The following LCN6 variants were observed in gnomAD, a reference collection of about 807,000 sequenced individuals.
LCN6 encodes the protein epididymal-specific lipocalin-6.
LCN6 carries 20 observed loss-of-function variants against 21.4 expected under a neutral mutation model. That is an observed-to-expected ratio of 0.93 (90% CI 0.66 to 1.36). LCN6 has a LOEUF of 1.36. Among genes scored for constraint, LCN6 ranks in the 40% most tolerant of loss-of-function variants. LCN6 has a pLI of 0.00. For synonymous variants in LCN6, 96 were observed against 89.0 expected (o/e 1.08, Z -0.44); for missense variants, 217 against 206.6 (o/e 1.05, Z -0.31).
At chr9:136,745,389 C>T in intron 3 of LCN6, 109 bp from the exon 4 acceptor site, 1 of 760,666 alleles carries the variant, frequency 1.3e-6, no homozygotes, top group Admixed American at 2.1e-5. Flanking sequence ...AAGTGAGAGC[C>T]CCCCTCCCCA....
Position 136,744,613 on chromosome 9 carries a change from C to G in LCN6, c.*22+27G>C, listed in dbSNP as rs1847007979. 6.8e-7 allele frequency: 1 copy of G among 1,476,076 alleles called. No homozygotes were observed. The highest frequency in any genetic ancestry group is 1.4e-5 in the African/African-American group (1 of 72,506). 91.4% of individuals were successfully genotyped at this position (1,476,076 alleles called of 1,614,324 possible). ...GCTCCAGAACTTGCCCCAAGCCTCC[C>G]CCGAGGCTGCTCCGGTGGACACTCA... On this transcript the variant is annotated intron_variant, in intron 5 of 6. Transcript: ENST00000341206. The surrounding 1 kb of genome is among the most constrained non-coding windows in gnomAD (Gnocchi z 4.2).
chr9:136,745,640 G>A (rs1444902755), intron 3 of LCN6: 1 of 615,010 alleles, frequency 1.6e-6, no homozygotes, highest in Non-Finnish European at 2.9e-6. Context: ...GGACCTCACT[G>A]GTGTCTGAGC....
rs1338183268 is a variant in LCN6, at chr9:136,748,479, C to T, written c.5G>A (p.Gly2Asp). The T allele has an allele frequency of 1.2e-6, 2 of 1,612,674 alleles. No homozygotes were observed. Among genetic ancestry groups the T allele is most frequent in the East Asian group, 2.2e-5 (1 of 44,846 alleles). MGGLLLAAFLAL... is the reference protein window; with the variant it reads MDGLLLAAFLAL... ...CAGAAAAGCAGCCAGCAGCAGGCCGCCCATCCTCCCAGGTCTACACTGCGC... is the reference window on the plus strand; with the variant it reads ...CAGAAAAGCAGCCAGCAGCAGGCCGTCCATCCTCCCAGGTCTACACTGCGC... The change falls in exon 1 of 7, where the codon GGC becomes GAC. Residue 2 changes from glycine to aspartate, a missense_variant. Physicochemically the swap from Gly to Asp is moderately conservative, Grantham distance 94. Transcript: ENST00000341206.
chr9:136,745,234 G>A lies in LCN6; in HGVS notation c.348C>T (p.Asp116=), dbSNP rs914451265. 7 of 1,613,642 alleles carry A rather than the reference G, an allele frequency of 4.3e-6. No homozygotes were observed. Among genetic ancestry groups the A allele is most frequent in the Non-Finnish European group, 4.2e-6 (5 of 1,179,950 alleles). ...ELWVLATNFR[D]YAIIFTQLEF... is the part of the protein sequence containing the mutation. Reference sequence around the variant, plus strand: ...CCAGCTGAGTGAAGATGATGGCATAGTCTCTGAAGTTGGTGGCCAGCACCC... The same window carrying A: ...CCAGCTGAGTGAAGATGATGGCATAATCTCTGAAGTTGGTGGCCAGCACCC... The change falls in exon 4 of 7, where the codon GAC becomes GAT. Residue 116 remains aspartate, a synonymous_variant. Transcript: ENST00000341206.
intron 3 of LCN6, 82 bp from the exon 4 acceptor site, chr9:136,745,362 G>A: frequency 2.1e-6 from 2 of 941,722 alleles, no homozygotes; most frequent in Non-Finnish European, 3.4e-6. Flanking sequence ...TGGCCACAGG[G>A]ACAGAGGGGC....
intron 4 of LCN6, 140 bp downstream of exon 4, chr9:136,745,030 T>G (rs541328121): frequency 1.3e-6 from 1 of 795,564 alleles, no homozygotes; most frequent in Non-Finnish European, 2.1e-6. Flanking sequence ...GCTCCCCACA[T>G]GGCCCCCGAG....
chr9:136,748,317 G>T, intron 1 of LCN6, 77 bp downstream of exon 1: 2 of 1,294,276 alleles, frequency 1.5e-6, no homozygotes, highest in Non-Finnish European at 2.2e-6. Context: ...AGCCCTGGGG[G>T]GCCCAGAAGC....
rs1399816567 is a variant in LCN6, at chr9:136,747,757, C to T, written c.91-194G>A. ...CAGCCCTGCAGCCTCCAGCCTCCAC[C>T]CTCCAACCATCCAGCCCTCCAGCCT... On this transcript the variant is annotated intron_variant, in intron 1 of 6. Coordinates refer to ENST00000341206, the MANE Select transcript of LCN6 (RefSeq NM_198946.3). 4.8e-4 allele frequency among the ~76,000 whole-genome samples: 60 copies of T among 124,710 alleles called. 1 individual carries two copies. The highest frequency in any genetic ancestry group is 1.8e-3 in the African/African-American group (56 of 31,274). 81.8% of individuals were successfully genotyped at this position (124,710 alleles called of 152,430 possible).
chr9:136,744,888 TCAAGGTGGG>T lies in LCN6; in HGVS notation c.413-156_413-148del. 5 of 674,484 alleles carry T rather than the reference TCAAGGTGGG, an allele frequency of 7.4e-6. No individual in the cohort carries two copies. Among genetic ancestry groups the T allele is most frequent in the East Asian group, 5.5e-5 (2 of 36,622 alleles). 41.8% of individuals were successfully genotyped at this position (674,484 alleles called of 1,614,324 possible). A position where few individuals can be genotyped will look rare whatever the true frequency, so the allele number is the denominator to read the frequency against. ...AAAGCCACCTCCAGTGCAGCGAGCC[TCAAGGTGGG>T]GGAACTTGGCCTGCATGTGGTCCTG... On this transcript the variant is annotated intron_variant, in intron 4 of 6. Transcript: ENST00000341206. The surrounding 1 kb of genome is among the most constrained non-coding windows in gnomAD (Gnocchi z 4.2).
rs373531856 is a variant in LCN6 at position 136,748,486 on chromosome 9, T to C, written c.-3A>G. The C allele has an allele frequency of 8.5e-5, 137 of 1,611,728 alleles. No individual in the cohort carries two copies. The African/African-American group carries it at 1.3e-3, about 15-fold the overall frequency. ...GCAGCCAGCAGCAGGCCGCCCATCC[T>C]CCCAGGTCTACACTGCGCCGCAGGC... On this transcript the variant is annotated 5_prime_UTR_variant, in exon 1 of 7. Coordinates refer to ENST00000341206, the MANE Select transcript of LCN6 (RefSeq NM_198946.3).
chr9:136,748,438 G>T lies in LCN6; in HGVS notation c.46C>A (p.Pro16Thr). The T allele has an allele frequency of 1.2e-5, 19 of 1,613,178 alleles. No homozygotes were observed. The highest frequency in any genetic ancestry group is 1.6e-5 in the Non-Finnish European group (19 of 1,179,932). ...LAAFLALVSV[P>T]RAQAVWLGRL... is the part of the protein sequence containing the mutation. ...CCCAACCACACGGCCTGGGCCCTGG[G>T]CACCGAGACCAAAGCCAGAAAAGCA... is the stretch of plus-strand genomic sequence containing the variant. Residue 16 changes from proline (P) to threonine (T), a missense_variant, in exon 1 of 7, where the codon CCC becomes ACC. Transcript: ENST00000341206.
chr9:136,748,097 T>TCTCCAGCCCTACAGC (rs1173014643), intron 1 of LCN6, among the ~76,000 whole-genome samples: 6 of 72,752 alleles, frequency 8.2e-5, no homozygotes, highest in Non-Finnish European at 1.4e-4. Context: ...AGCCTCCAGT[T>TCTCCAGCCCTACAGC]CTCCAGCCCT....
chr9:136,748,233 C>A (rs1847076871), intron 1 of LCN6, among the ~76,000 whole-genome samples, 161 bp downstream of exon 1: 1 of 152,250 alleles, frequency 6.6e-6, no homozygotes, highest in Admixed American at 6.5e-5. Context: ...CCCCTCCTGC[C>A]CTGAGGCTCC....
At chr9:136,747,886 C>G in intron 1 of LCN6, among the ~76,000 whole-genome samples, 1 of 148,028 alleles carries the variant, frequency 6.8e-6, no homozygotes, top group Admixed American at 6.7e-5. Flanking sequence ...ACCCCCCAGA[C>G]CTCCAACCCT....
chr9:136,747,117 A>G, intron 2 of LCN6: 1 of 341,556 alleles, frequency 2.9e-6, no homozygotes, highest in Non-Finnish European at 5.4e-6. Context: ...AGGCTTCCCC[A>G]GCTCTGACCA....
intron 4 of LCN6, 121 bp downstream of exon 4, chr9:136,745,049 T>G (rs577950865): frequency 2.0e-5 from 18 of 908,084 alleles, no homozygotes; most frequent in African/African-American, 1.9e-4. Flanking sequence ...AGCGGCCCAC[T>G]CACCACACAG....
chr9:136,745,357 A>G (rs1847023585), intron 3 of LCN6, 77 bp from the exon 4 acceptor site: 1 of 1,006,262 alleles, frequency 9.9e-7, no homozygotes, highest in Non-Finnish European at 1.6e-6. Context: ...GATGCTGGCC[A>G]CAGGGACAGA....
intron 1 of LCN6, 76 bp from the exon 2 acceptor site, chr9:136,747,639 G>GCCTCCAGCCTCCAAA: frequency 1.0e-6 from 1 of 971,632 alleles, no homozygotes; most frequent in South Asian, 1.5e-5. Flanking sequence ...TCCAGCCTCA[G>GCCTCCAGCCTCCAAA]CCTCCAGCCT....
At chr9:136,746,133 C>T in intron 2 of LCN6, 1 of 562,794 alleles carries the variant, frequency 1.8e-6, no homozygotes, top group African/African-American at 1.9e-5. Context: ...GAGAGATCCT[C>T]AGTGCCAGAT....
Sources: allele counts gnomAD v4.1 joint callset (sites outside exome capture counted in the v4.1 genomes callset), GRCh38; gene constraint gnomAD v4.1.1; non-coding constraint Gnocchi (gnomAD v3.1); transcripts MANE v1.5; gene names NCBI Gene and HGNC (gene_info 2026-07-23, HGNC 2026-07-21).